OR5A1: variants seen among roughly 807,000 people sequenced by gnomAD.
OR5A1 encodes olfactory receptor 5A1.
OR5A1 carries 6 observed loss-of-function variants against 6.7 expected under a neutral mutation model. The ratio of observed to expected loss-of-function variants is 0.89; its 90% CI spans 0.49 to 1.76. OR5A1 has a LOEUF of 1.76. Among genes scored for constraint, OR5A1 ranks in the 40% most tolerant of loss-of-function variants. The probability of loss-of-function intolerance (pLI) is 0.01; values close to 1 mark genes in which losing one functional copy is unlikely to be tolerated. For missense variants in OR5A1, 378 were observed against 381.7 expected (o/e 0.99, Z 0.08); for synonymous variants, 170 against 155.0 (o/e 1.10, Z -0.72).
At position 59,449,548 on chromosome 11, in the gene OR5A1, T is replaced by A. The variant is rs1858592482; in HGVS notation, c.*5432T>A. 1 of 152,046 alleles carries A rather than the reference T, an allele frequency of 6.6e-6. No homozygotes were observed. The highest frequency in any genetic ancestry group is 1.5e-5 in the Non-Finnish European group (1 of 68,014). 9.4% of individuals were successfully genotyped at this position (152,046 alleles called of 1,614,324 possible). A position where few individuals can be genotyped will look rare whatever the true frequency, so the allele number is the denominator to read the frequency against. ...TAAACATTACTAAGCCCCTACCATGTGTAAAAAAATAATAACTAGCATGAT... is the reference window on the plus strand; with the variant it reads ...TAAACATTACTAAGCCCCTACCATGAGTAAAAAAATAATAACTAGCATGAT... On this transcript the variant is annotated 3_prime_UTR_variant, in exon 2 of 2. Transcript: ENST00000641045.
rs138541956 is a variant in OR5A1 at position 59,440,723 on chromosome 11, C to T, written c.-33-2413C>T. On this transcript the variant is annotated intron_variant, in intron 1 of 1. Transcript: ENST00000641045. ...CTCGATTATGCCAAAGTTTGTTGCA[C>T]GTTCCTCTTTTATTTCTTTGAAGGA... Among the ~76,000 whole-genome samples the T allele has an allele frequency of 8.1e-4, 124 of 152,288 alleles. 1 individual carries two copies. The highest frequency in any genetic ancestry group is 2.9e-3 in the African/African-American group (119 of 41,540).
chr11:59,448,374 G>A lies in OR5A1; in HGVS notation c.*4258G>A, dbSNP rs1368465090. 6.6e-6 allele frequency: 1 copy of A among 152,128 alleles called. No homozygotes were observed. Among genetic ancestry groups the A allele is most frequent in the East Asian group, 1.9e-4 (1 of 5,200 alleles). The allele number at this position is 152,128 out of a possible 1,614,324, so 9.4% of individuals were successfully genotyped here. A position where few individuals can be genotyped will look rare whatever the true frequency, so the allele number is the denominator to read the frequency against. ...GAAGTTCCATCCACGACTATGAGGG[G>A]CCACTAGACCAGGAGCCTCATCTAG... On this transcript the variant is annotated 3_prime_UTR_variant, in exon 2 of 2. Transcript: ENST00000641045.
intron 1 of OR5A1, among the ~76,000 whole-genome samples, chr11:59,441,942 A>AGATAGAT (rs1554968742): frequency 4.8e-5 from 2 of 41,718 alleles, no homozygotes; most frequent in African/African-American, 2.3e-4. Flanking sequence ...GAGAGATGAT[A>AGATAGAT]GATAGATAGA....
intron 1 of OR5A1, among the ~76,000 whole-genome samples, chr11:59,442,293 T>TTAGCCAG (rs1249660899): frequency 6.6e-6 from 1 of 151,994 alleles, no homozygotes; most frequent in Non-Finnish European, 1.5e-5. Context: ...AAATACAAAA[T>TTAGCCAG]TAGCCAGTCG....
In OR5A1 at chr11:59,449,541, T is replaced by TACC. The variant is rs1208603652; in HGVS notation, c.*5427_*5429dup. The TACC allele has an allele frequency of 1.3e-5, 2 of 152,156 alleles. No individual in the cohort carries two copies. Among genetic ancestry groups the TACC allele is most frequent in the Non-Finnish European group, 2.9e-5 (2 of 68,028 alleles). The allele number at this position is 152,156 out of a possible 1,614,324, so 9.4% of individuals were successfully genotyped here. Reference sequence around the variant, plus strand: ...CATTCCATAAACATTACTAAGCCCCTACCATGTGTAAAAAAATAATAACTA... The same window carrying TACC: ...CATTCCATAAACATTACTAAGCCCCTACCACCATGTGTAAAAAAATAATAACTA... On this transcript the variant is annotated 3_prime_UTR_variant, in exon 2 of 2. Transcript: ENST00000641045.
Position 59,443,824 on chromosome 11 carries a change from T to C in OR5A1, c.656T>C (p.Ile219Thr). Residue 219 changes from isoleucine (I) to threonine (T), a missense_variant, in exon 2 of 2, where the codon ATC becomes ACC. Physicochemically the swap from Ile to Thr is moderately conservative, Grantham distance 89 (BLOSUM62 -1). Transcript: ENST00000641045. ...GGAACATCGTTCCTCCAACTCCTTA[T>C]CTCCTATGGTTACATAGTGTCTGCG... ...VGGTSFLQLL[I>T]SYGYIVSAVL... 1 of 1,614,062 alleles carries C rather than the reference T, an allele frequency of 6.2e-7. No individual in the cohort carries two copies. The highest frequency in any genetic ancestry group is 1.1e-5 in the South Asian group (1 of 91,072).
intron 1 of OR5A1, among the ~76,000 whole-genome samples, chr11:59,438,529 C>A (rs1247184086): frequency 6.6e-6 from 1 of 152,092 alleles, no homozygotes; most frequent in African/African-American, 2.4e-5. Flanking sequence ...CCGTGATAAT[C>A]TGAGTGAGGC....
At position 59,444,424 on chromosome 11, in the gene OR5A1, T is replaced by C. The variant is rs573171107; in HGVS notation, c.*308T>C. The C allele has an allele frequency of 2.9e-4, 62 of 216,740 alleles. No individual in the cohort carries two copies. Among genetic ancestry groups the C allele is most frequent in the Non-Finnish European group, 5.2e-4 (56 of 108,082 alleles). 13.4% of individuals were successfully genotyped at this position (216,740 alleles called of 1,614,324 possible). Reference sequence around the variant, plus strand: ...CTTAGTATGTACCAGGCACAAAAGTTATTTAATTAAATACTCATTGCAGTA... The same window carrying C: ...CTTAGTATGTACCAGGCACAAAAGTCATTTAATTAAATACTCATTGCAGTA... On this transcript the variant is annotated 3_prime_UTR_variant, in exon 2 of 2. Transcript: ENST00000641045.
At position 59,448,502 on chromosome 11, in the gene OR5A1, A is replaced by G. The variant is rs1368297868; in HGVS notation, c.*4386A>G. On this transcript the variant is annotated 3_prime_UTR_variant, in exon 2 of 2. Transcript: ENST00000641045. ...ATCTTACAGGATTATTATGAGCCCA[A>G]AAAAAGAAAATTGATTTTTAGAAAT... 6.6e-6 allele frequency: 1 copy of G among 152,174 alleles called. No individual in the cohort carries two copies. The highest frequency in any genetic ancestry group is 2.4e-5 in the African/African-American group (1 of 41,442). The allele number at this position is 152,174 out of a possible 1,614,324, so 9.4% of individuals were successfully genotyped here. A position where few individuals can be genotyped will look rare whatever the true frequency, so the allele number is the denominator to read the frequency against.
chr11:59,438,086 A>G (rs932838771), intron 1 of OR5A1, among the ~76,000 whole-genome samples: 1 of 152,046 alleles, frequency 6.6e-6, no homozygotes, highest in African/African-American at 2.4e-5. Flanking sequence ...CTCCCCCTTC[A>G]CCTTCCGCCG....
rs547980964 is a variant in OR5A1, at chr11:59,442,221, C to T, written c.-33-915C>T. On this transcript the variant is annotated intron_variant, in intron 1 of 1. Coordinates refer to ENST00000641045, the MANE Select transcript of OR5A1 (RefSeq NM_001004728.2). ...CAGCACTTTGGGAGGCTGAGGCGGG[C>T]GGATCGCCCAAGGTCGTTCGAGACC... is the stretch of plus-strand genomic sequence containing the variant. Among the ~76,000 whole-genome samples, 8 of 152,138 alleles carry T rather than the reference C, an allele frequency of 5.3e-5. 1 individual carries two copies. Among genetic ancestry groups the T allele is most frequent in the South Asian group, 2.1e-4 (1 of 4,824 alleles).
Position 59,446,392 on chromosome 11 carries a change from G to T in OR5A1, c.*2276G>T, listed in dbSNP as rs1395959308. On this transcript the variant is annotated 3_prime_UTR_variant, in exon 2 of 2. Transcript: ENST00000641045. ...ATGTTGTTTTGGTTACCATAGACTT[G>T]TAGTATAGTTTGAAGTCAGGGAGTG... 6.6e-6 allele frequency: 1 copy of T among 152,168 alleles called. No homozygotes were observed. The highest frequency in any genetic ancestry group is 2.4e-5 in the African/African-American group (1 of 41,434). The allele number at this position is 152,168 out of a possible 1,614,324, so 9.4% of individuals were successfully genotyped here.
chr11:59,445,863 T>C lies in OR5A1; in HGVS notation c.*1747T>C, dbSNP rs928168610. 2 of 152,158 alleles carry C rather than the reference T, an allele frequency of 1.3e-5. No individual in the cohort carries two copies. Among genetic ancestry groups the C allele is most frequent in the Non-Finnish European group, 2.9e-5 (2 of 68,006 alleles). 9.4% of individuals were successfully genotyped at this position (152,158 alleles called of 1,614,324 possible). On this transcript the variant is annotated 3_prime_UTR_variant, in exon 2 of 2. Coordinates refer to ENST00000641045, the MANE Select transcript of OR5A1 (RefSeq NM_001004728.2). Reference sequence around the variant, plus strand: ...GCCCACTTTTAGATAGGGTTGTTTGTTTTTTTCTTGTAAATTTGTTTAAGT... The same window carrying C: ...GCCCACTTTTAGATAGGGTTGTTTGCTTTTTTCTTGTAAATTTGTTTAAGT...
rs1228495878 is a variant in OR5A1 at position 59,444,641 on chromosome 11, G to A, written c.*525G>A. 6.5e-6 allele frequency: 1 copy of A among 153,170 alleles called. No individual in the cohort carries two copies. The highest frequency in any genetic ancestry group is 1.5e-5 in the Non-Finnish European group (1 of 68,458). The allele number at this position is 153,170 out of a possible 1,614,324, so 9.5% of individuals were successfully genotyped here. On this transcript the variant is annotated 3_prime_UTR_variant, in exon 2 of 2. Transcript: ENST00000641045. The stretch of plus-strand genomic sequence containing the variant: ...TCAACAAAAAAATAGCCCAAAAGTA[G>A]TACGAGTATATAACTCTTGTTACTG...
intron 1 of OR5A1, 52 bp downstream of exon 1, chr11:59,436,887 G>C (rs1858422130): frequency 6.6e-6 from 1 of 152,200 alleles, no homozygotes; most frequent in Non-Finnish European, 1.5e-5. Flanking sequence ...TCACATGATA[G>C]AATTCCCTAT....
At chr11:59,438,008 T>G (rs1030125223) in intron 1 of OR5A1, among the ~76,000 whole-genome samples, 2 of 152,162 alleles carry the variant, frequency 1.3e-5, no homozygotes, top group Non-Finnish European at 2.9e-5. Flanking sequence ...AGCTGGTTGT[T>G]TAAAGAGCCT....
At position 59,449,981 on chromosome 11, in the gene OR5A1, G is replaced by A. The variant is rs1425745028; in HGVS notation, c.*5865G>A. On this transcript the variant is annotated 3_prime_UTR_variant, in exon 2 of 2. Coordinates refer to ENST00000641045, the MANE Select transcript of OR5A1 (RefSeq NM_001004728.2). ...AGGCAGACACACATAGACCCATAAA[G>A]GCAAGGAGTAAAAAGTGCTAGATTA... 6.6e-6 allele frequency: 1 copy of A among 152,252 alleles called. No homozygotes were observed. The highest frequency in any genetic ancestry group is 1.9e-4 in the East Asian group (1 of 5,188). The allele number at this position is 152,252 out of a possible 1,614,324, so 9.4% of individuals were successfully genotyped here.
chr11:59,439,954 A>G (rs1469872633), intron 1 of OR5A1, among the ~76,000 whole-genome samples: 2 of 152,364 alleles, frequency 1.3e-5, no homozygotes, highest in South Asian at 4.1e-4. Context: ...GTTGCTGCTG[A>G]TAACAATCAC....
chr11:59,449,396 GGA>G lies in OR5A1; in HGVS notation c.*5281_*5282del, dbSNP rs1858589786. The G allele has an allele frequency of 6.6e-6, 1 of 152,148 alleles. No individual in the cohort carries two copies. Among genetic ancestry groups the G allele is most frequent in the African/African-American group, 2.4e-5 (1 of 41,424 alleles). The allele number at this position is 152,148 out of a possible 1,614,324, so 9.4% of individuals were successfully genotyped here. ...AGGCAAAATGTCCATTTGCAATTCT[GGA>G]AGTATATGTCATCTTGAACTAGAAG... is the stretch of plus-strand genomic sequence containing the variant. On this transcript the variant is annotated 3_prime_UTR_variant, in exon 2 of 2. Coordinates refer to ENST00000641045, the MANE Select transcript of OR5A1 (RefSeq NM_001004728.2).
Sources: allele counts gnomAD v4.1 joint callset (sites outside exome capture counted in the v4.1 genomes callset), GRCh38; gene constraint gnomAD v4.1.1; transcripts MANE v1.5; gene names NCBI Gene and HGNC (gene_info 2026-07-23, HGNC 2026-07-21).